The following TENM2 variants were observed in gnomAD, a reference collection of about 807,000 sequenced individuals.
TENM2 encodes the protein teneurin transmembrane protein 2, also known as teneurin-2.
A neutral mutation model predicts 245.2 loss-of-function variants in TENM2; 52 were observed. The ratio of observed to expected loss-of-function variants is 0.21; its 90% CI spans 0.17 to 0.27. The LOEUF (loss-of-function observed/expected upper bound fraction) is 0.27, where lower values mean the gene tolerates loss of function less well. TENM2 is among the 10% of genes least tolerant of loss of function. The pLI is 1.00. For synonymous variants in TENM2, 1,363 were observed against 1,438.9 expected, an observed-to-expected ratio of 0.95 and a Z score of 1.19; for missense variants, 3,046 against 3,666.8, an observed-to-expected ratio of 0.83 and a Z score of 4.37.
the TENM2 span, among the ~76,000 whole-genome samples, chr5:167,165,597 C>T: frequency 6.6e-5 from 10 of 151,824 alleles, no homozygotes; most frequent in East Asian, 3.9e-4. Context: ...GTTTGGTGAA[C>T]GCTGAATACA....
chr5:167,129,701 G>A, the TENM2 span, among the ~76,000 whole-genome samples: 1 of 152,154 alleles, frequency 6.6e-6, no homozygotes, highest in Non-Finnish European at 1.5e-5. Context: ...GGAATATAGA[G>A]AGTGTGCAAG....
chr5:168,014,853 G>C (rs1187182772), intron 5 of TENM2, among the ~76,000 whole-genome samples: 2 of 152,104 alleles, frequency 1.3e-5, no homozygotes. Context: ...GATGAAGAAG[G>C]GCTCTTGGGG....
At chr5:167,823,954 C>G (rs1284113957) in intron 2 of TENM2, among the ~76,000 whole-genome samples, 1 of 152,184 alleles carries the variant, frequency 6.6e-6, no homozygotes, top group Non-Finnish European at 1.5e-5. Context: ...ACACTTCTCT[C>G]AGCCTCTGGG....
chr5:167,389,228 G>GTA (rs1175847666), intron 2 of TENM2, among the ~76,000 whole-genome samples: 3 of 146,370 alleles, frequency 2.0e-5, no homozygotes, highest in South Asian at 2.1e-4. Flanking sequence ...GCATATGTGC[G>GTA]TATATATATA....
chr5:167,107,064 G>A, the TENM2 span, among the ~76,000 whole-genome samples: 6 of 147,858 alleles, frequency 4.1e-5, no homozygotes, highest in African/African-American at 1.5e-4. Context: ...GGGCAGCATG[G>A]CGAAACCCCA....
chr5:166,987,551 A>G, the TENM2 span, among the ~76,000 whole-genome samples: 1 of 151,422 alleles, frequency 6.6e-6, no homozygotes, highest in East Asian at 1.9e-4. Context: ...TTTAATTGAG[A>G]TATCTAATAA....
chr5:168,076,979 C>T (rs562555043), intron 7 of TENM2, among the ~76,000 whole-genome samples: 3 of 152,140 alleles, frequency 2.0e-5, no homozygotes, highest in Non-Finnish European at 4.4e-5. Context: ...AGAGTGTCCT[C>T]TTTGAAGCTG....
the TENM2 span, among the ~76,000 whole-genome samples, chr5:167,015,397 G>A: frequency 1.2e-3 from 177 of 152,266 alleles, 1 homozygote; most frequent in African/African-American, 4.1e-3. Flanking sequence ...TAGCCTGCGT[G>A]TGTTTGGCTG....
At position 168,165,799 on chromosome 5, in the gene TENM2, G is replaced by GA. The variant is rs61343026; in HGVS notation, c.2569+3057dup. On this transcript the variant is annotated intron_variant, in intron 13 of 28. Coordinates refer to ENST00000518659, the Ensembl canonical transcript of TENM2. Reference sequence around the variant, plus strand: ...TCCCAAGGAAGTAATTAACCACAAAGAAAAAAAAAAAAAAAGGCTGCATGG... The same window carrying GA: ...TCCCAAGGAAGTAATTAACCACAAAGAAAAAAAAAAAAAAAAGGCTGCATGG... 169 of 100,740 alleles carry GA rather than the reference G, an allele frequency of 1.7e-3. 1 individual carries two copies. Among genetic ancestry groups the GA allele is most frequent in the East Asian group, 3.8e-3 (16 of 4,190 alleles). The allele number at this position is 100,740 out of a possible 1,614,324, so 6.2% of individuals were successfully genotyped here.
intron 2 of TENM2, among the ~76,000 whole-genome samples, chr5:167,409,734 G>A (rs983971210): frequency 3.3e-5 from 5 of 151,806 alleles, no homozygotes; most frequent in South Asian, 2.1e-4. Flanking sequence ...TGTTAAATGT[G>A]CTTGTGCCAT....
chr5:167,246,107 G>A, the TENM2 span, among the ~76,000 whole-genome samples: 1 of 152,166 alleles, frequency 6.6e-6, no homozygotes, highest in Non-Finnish European at 1.5e-5. Context: ...GCTAGTTCCT[G>A]TGCCTTTCTC....
At chr5:167,510,785 G>A (rs867343609) in intron 2 of TENM2, among the ~76,000 whole-genome samples, 3 of 152,112 alleles carry the variant, frequency 2.0e-5, no homozygotes, top group South Asian at 2.1e-4. Context: ...TTATATCTAC[G>A]TCACTTAAAT....
chr5:167,046,017 A>G, the TENM2 span, among the ~76,000 whole-genome samples: 5 of 152,248 alleles, frequency 3.3e-5, no homozygotes, highest in Admixed American at 1.3e-4. Context: ...AGGCTCCACT[A>G]TGTTTCTTAG....
intron 1 of TENM2, chr5:167,310,004 GATT>G (rs1755925687): frequency 6.6e-6 from 1 of 152,176 alleles, no homozygotes; most frequent in African/African-American, 2.4e-5. Flanking sequence ...TTAAATATAT[GATT>G]ACCCTTTCTT....
intron 2 of TENM2, among the ~76,000 whole-genome samples, chr5:167,603,475 G>A (rs1464797908): frequency 2.0e-5 from 3 of 152,112 alleles, no homozygotes; most frequent in African/African-American, 7.2e-5. Flanking sequence ...TTGAGCTCAG[G>A]AGTTTGAGAC....
chr5:167,500,790 A>C (rs149021539), intron 2 of TENM2, among the ~76,000 whole-genome samples: 54 of 152,236 alleles, frequency 3.5e-4, no homozygotes, highest in Admixed American at 1.6e-3. Flanking sequence ...TGAATTCACC[A>C]GGGCCAAGGA....
intron 5 of TENM2, among the ~76,000 whole-genome samples, chr5:168,041,928 GC>G (rs1788225638): frequency 6.6e-6 from 1 of 152,224 alleles, no homozygotes; most frequent in Non-Finnish European, 1.5e-5. Context: ...AGGGGCCTTT[GC>G]AGGTTGCCTA....
intron 5 of TENM2, among the ~76,000 whole-genome samples, chr5:167,998,550 C>T (rs892819421): frequency 1.5e-4 from 23 of 152,126 alleles, no homozygotes; most frequent in African/African-American, 5.6e-4. Context: ...TAAAACAATA[C>T]GCAACATACA....
At chr5:167,875,061 C>T (rs150016495) in intron 2 of TENM2, among the ~76,000 whole-genome samples, 30 of 152,192 alleles carry the variant, frequency 2.0e-4, no homozygotes, top group Admixed American at 7.8e-4. Context: ...TCAGCAGATG[C>T]GATTCTTTAG....
Sources: allele counts gnomAD v4.1 joint callset (sites outside exome capture counted in the v4.1 genomes callset), GRCh38; gene constraint gnomAD v4.1.1; transcripts MANE v1.5; gene names NCBI Gene and HGNC (gene_info 2026-07-23, HGNC 2026-07-21).